TTLL7: variants seen among roughly 807,000 people sequenced by gnomAD.
The protein encoded by TTLL7 is tubulin tyrosine ligase like 7.
In TTLL7, 53 loss-of-function variants were observed where a neutral mutation model predicts 120.2. The observed-to-expected ratio is 0.44, with a 90% CI of 0.35 to 0.55. The LOEUF (loss-of-function observed/expected upper bound fraction) is 0.55. TTLL7 is among the 20% of genes least tolerant of loss of function. The pLI, the probability that TTLL7 is intolerant of heterozygous loss-of-function variation, is 0.00. For missense variants in TTLL7, 803 were observed against 1,054.7 expected (o/e 0.76, Z 3.31); for synonymous variants, 353 against 351.7 (o/e 1.00, Z -0.04).
intron 14 of TTLL7, among the ~76,000 whole-genome samples, chr1:83,914,464 T>C (rs1657954522): frequency 6.6e-6 from 1 of 151,498 alleles, no homozygotes; most frequent in Admixed American, 6.6e-5. Flanking sequence ...CCCGAGTAGC[T>C]GGGACTACAG....
At chr1:83,932,095 A>C (rs1276903368) in intron 9 of TTLL7, among the ~76,000 whole-genome samples, 2 of 152,194 alleles carry the variant, frequency 1.3e-5, no homozygotes, top group Non-Finnish European at 2.9e-5. Context: ...TGAATCTTTT[A>C]AAATCCAGAA....
chr1:83,878,776 T>C (rs1393841280), intron 20 of TTLL7, among the ~76,000 whole-genome samples: 2 of 151,946 alleles, frequency 1.3e-5, no homozygotes, highest in Non-Finnish European at 2.9e-5. Context: ...ACATGAAAGG[T>C]AGAAACCCAA....
At chr1:83,893,579 TTG>T (rs1655968329) in intron 18 of TTLL7, among the ~76,000 whole-genome samples, 1 of 152,044 alleles carries the variant, frequency 6.6e-6, no homozygotes, top group South Asian at 2.1e-4. Context: ...ACATGAAGAA[TTG>T]GAAGCAGATG....
intron 18 of TTLL7, among the ~76,000 whole-genome samples, chr1:83,891,480 G>A (rs566311284): frequency 1.3e-5 from 2 of 152,218 alleles, no homozygotes; most frequent in African/African-American, 4.8e-5. Context: ...GTACAGATCG[G>A]TGCACAAACG....
At chr1:83,910,318 T>C (rs1657569153) in intron 15 of TTLL7, among the ~76,000 whole-genome samples, 1 of 152,124 alleles carries the variant, frequency 6.6e-6, no homozygotes, top group South Asian at 2.1e-4. Context: ...CTGGTTCCTT[T>C]AGTGGAACCC....
At chr1:83,891,334 C>G (rs113375423) in intron 18 of TTLL7, among the ~76,000 whole-genome samples, 2 of 151,588 alleles carry the variant, frequency 1.3e-5, no homozygotes, top group South Asian at 4.2e-4. Flanking sequence ...AATAAATATG[C>G]CCAATAAACA....
At chr1:83,956,740 T>C (rs1649562289) in intron 1 of TTLL7, among the ~76,000 whole-genome samples, 1 of 152,154 alleles carries the variant, frequency 6.6e-6, no homozygotes, top group South Asian at 2.1e-4. Flanking sequence ...CTAACCCACA[T>C]TTTTAAGTGG....
rs1653198158 is a variant in TTLL7 at position 83,870,050 on chromosome 1, A to G, written c.2576T>C (p.Leu859Ser). The change falls in exon 21 of 21, where the codon TTG (leucine) becomes TCG (serine). Residue 859 changes from leucine (L) to serine (S), a missense_variant. Transcript: ENST00000260505. ...CTTCAAGTTGTAGGTTGGTGTTCTCAAGAAGAATTGGGTGCTCCCTGGTAG... is the reference window on the plus strand; with the variant it reads ...CTTCAAGTTGTAGGTTGGTGTTCTCGAGAAGAATTGGGTGCTCCCTGGTAG... Reference protein sequence around the residue: ...YLLPGSTQFFLRTPTYNLKYN... With the variant: ...YLLPGSTQFFSRTPTYNLKYN... 6.3e-7 allele frequency: 1 copy of G among 1,580,032 alleles called. No individual in the cohort carries two copies. Among genetic ancestry groups the G allele is most frequent in the African/African-American group, 1.4e-5 (1 of 72,860 alleles).
Position 83,869,819 on chromosome 1 carries a change from G to T in TTLL7, c.*143C>A. The T allele has an allele frequency of 3.1e-6, 2 of 640,988 alleles. No homozygotes were observed. The highest frequency in any genetic ancestry group is 4.9e-6 in the Non-Finnish European group (2 of 405,198). The allele number at this position is 640,988 out of a possible 1,614,324, so 39.7% of individuals were successfully genotyped here. A position where few individuals can be genotyped will look rare whatever the true frequency, so the allele number is the denominator to read the frequency against. On this transcript the variant is annotated 3_prime_UTR_variant, in exon 21 of 21. Coordinates refer to ENST00000260505, the MANE Select transcript of TTLL7 (RefSeq NM_024686.6). ...TATAATAAATATATGTTATTAGGGT[G>T]CATATGTGCATATATTTTCACACAT...
At chr1:83,980,711 G>A (rs1571376811) in intron 1 of TTLL7, 1 of 151,894 alleles carries the variant, frequency 6.6e-6, no homozygotes, top group East Asian at 1.9e-4. Context: ...AACAGAATTG[G>A]GAAAAATACA....
chr1:83,882,266 A>C (rs1316586334), intron 20 of TTLL7, among the ~76,000 whole-genome samples: 1 of 149,644 alleles, frequency 6.7e-6, no homozygotes, highest in Non-Finnish European at 1.5e-5. Context: ...AATAATAATA[A>C]TAATTAAATA....
chr1:83,937,370 T>A (rs1433313556), intron 8 of TTLL7, among the ~76,000 whole-genome samples: 1 of 151,940 alleles, frequency 6.6e-6, no homozygotes, highest in Non-Finnish European at 1.5e-5. Flanking sequence ...TCCGGCTAAT[T>A]TTTTATATTT....
At chr1:83,893,672 GT>G (rs199989482) in intron 18 of TTLL7, among the ~76,000 whole-genome samples, 3,656 of 152,166 alleles carry the variant, frequency 0.024, 73 homozygotes, top group African/African-American at 0.053. Context: ...TTAAACATTT[GT>G]TTAAAAATAA....
At chr1:83,919,943 T>C in intron 12 of TTLL7, 109 bp from the exon 13 acceptor site, 1 of 982,582 alleles carries the variant, frequency 1.0e-6, no homozygotes. Flanking sequence ...ACCAGTCACA[T>C]TGCCAGGTAT....
chr1:83,917,927 C>T (rs1262088923), intron 13 of TTLL7, among the ~76,000 whole-genome samples: 1 of 152,088 alleles, frequency 6.6e-6, no homozygotes, highest in Non-Finnish European at 1.5e-5. Flanking sequence ...TTATCCTAAA[C>T]AAATGTATCT....
At position 83,987,649 on chromosome 1, in the gene TTLL7, TAAC is replaced by T. The variant is rs541994285; in HGVS notation, c.-177+11279_-177+11281del. On this transcript the variant is annotated intron_variant, in intron 1 of 20. Coordinates refer to ENST00000260505, the MANE Select transcript of TTLL7 (RefSeq NM_024686.6). The stretch of plus-strand genomic sequence containing the variant: ...TAACGATTTTTTTTAAAACTGCTAA[TAAC>T]AACAAATGCTACACAAGCAACAAAA... Among the ~76,000 whole-genome samples, 138 of 152,250 alleles carry T rather than the reference TAAC, an allele frequency of 9.1e-4. 1 individual carries two copies. The South Asian group carries it at 0.019, about 21-fold the overall frequency.
chr1:83,917,520 A>G, intron 14 of TTLL7, 84 bp downstream of exon 14: 2 of 1,002,910 alleles, frequency 2.0e-6, no homozygotes, highest in Non-Finnish European at 3.0e-6. Context: ...TTTTTAAAGC[A>G]GCACCAGTCT....
intron 20 of TTLL7, among the ~76,000 whole-genome samples, chr1:83,876,559 A>G (rs1393186831): frequency 6.6e-6 from 1 of 152,032 alleles, no homozygotes; most frequent in South Asian, 2.1e-4. Context: ...GAACTGACAT[A>G]TCAATAATAT....
chr1:83,907,005 G>A (rs1316886249), intron 16 of TTLL7, among the ~76,000 whole-genome samples: 7 of 151,982 alleles, frequency 4.6e-5, no homozygotes, highest in African/African-American at 7.2e-5. Flanking sequence ...AATACTATAT[G>A]TTAATTTAAC....
Sources: gnomAD v4.1 joint callset for allele counts (sites outside exome capture counted in the v4.1 genomes callset) on GRCh38, gnomAD v4.1.1 for gene constraint, MANE v1.5 for transcripts, NCBI Gene and HGNC (gene_info 2026-07-23, HGNC 2026-07-21) for gene names.